ARID1A: variants seen among roughly 807,000 people sequenced by gnomAD.
ARID1A encodes the protein AT-rich interaction domain 1A.
Under a neutral mutation model 212.6 loss-of-function variants are expected in ARID1A, and 20 were observed. The observed-to-expected ratio is 0.09, with a 90% confidence interval of 0.07 to 0.14. The LOEUF (loss-of-function observed/expected upper bound fraction) is 0.14. Ranked by LOEUF, ARID1A falls within the 10% of genes least tolerant of loss-of-function variation. The pLI is 1.00. For synonymous variants in ARID1A, 1,376 were observed against 1,222.1 expected (o/e 1.13, Z -2.63); for missense variants, 2,587 against 3,059.0 (o/e 0.85, Z 3.64).
In ARID1A at chr1:26,780,769, A is replaced by T. The variant is rs763359043; in HGVS notation, c.*13A>T. On this transcript the variant is annotated 3_prime_UTR_variant, in exon 20 of 20. Transcript: ENST00000324856. The surrounding 1 kb of genome is among the most constrained non-coding windows in gnomAD (Gnocchi z 7.2). ...TGGCCAGTCATGACAGCCGTGGGAC[A>T]CCTCCCCCCCCCGTGTGTGTGTGCG... 1 of 1,537,060 alleles carries T rather than the reference A, an allele frequency of 6.5e-7. No homozygotes were observed. Among genetic ancestry groups the T allele is most frequent in the Non-Finnish European group, 8.8e-7 (1 of 1,141,598 alleles).
intron 8 of ARID1A, among the ~76,000 whole-genome samples, chr1:26,764,086 C>T (rs1016781698): frequency 4.6e-5 from 7 of 152,150 alleles, no homozygotes; most frequent in African/African-American, 7.2e-5. Context: ...TGTCCTGCCT[C>T]AGCCTCCCAA....
At chr1:26,760,807 A>C (rs1254848487) in intron 4 of ARID1A, 49 bp from the exon 5 acceptor site, 2 of 1,550,170 alleles carry the variant, frequency 1.3e-6, no homozygotes, top group Non-Finnish European at 1.8e-6. Flanking sequence ...TGAAAGTAGA[A>C]TCTTTCTGCC....
At chr1:26,742,465 T>A (rs2124803152) in intron 4 of ARID1A, among the ~76,000 whole-genome samples, 1 of 152,332 alleles carries the variant, frequency 6.6e-6, no homozygotes, top group South Asian at 2.1e-4. Context: ...TGGTCAGTGC[T>A]AACTTTAATC....
intron 1 of ARID1A, among the ~76,000 whole-genome samples, chr1:26,712,360 G>A (rs2080462706): frequency 6.6e-6 from 1 of 152,106 alleles, no homozygotes; most frequent in South Asian, 2.1e-4. Context: ...TCCTTTCCTT[G>A]TGTCTCTTCT....
At chr1:26,778,912 C>T (rs1020003450) in intron 19 of ARID1A, 111 bp from the exon 20 acceptor site, 2 of 1,083,130 alleles carry the variant, frequency 1.8e-6, no homozygotes, top group Non-Finnish European at 2.6e-6. Flanking sequence ...AAAGGAGCAA[C>T]TCTGCCTCTC....
chr1:26,718,254 C>T (rs998889783), intron 1 of ARID1A, among the ~76,000 whole-genome samples: 5 of 152,218 alleles, frequency 3.3e-5, no homozygotes, highest in South Asian at 2.1e-4. Context: ...GGATTACAGG[C>T]GTGAGCCACC....
At position 26,761,051 on chromosome 1, in the gene ARID1A, G is replaced by A. The variant is rs2124056531; in HGVS notation, c.2116G>A (p.Val706Ile). ...GTCCCCTGTTGGCTCTCCCGCCAGT[G>A]TTGCTCAGTCTCGCTCAGGACCACT... is the stretch of plus-strand genomic sequence containing the variant. The part of the protein sequence containing the change: ...SPSPVGSPAS[V>I]AQSRSGPLSP... Residue 706 changes from valine to isoleucine, a missense_variant, in exon 5 of 20, where the codon GTT (valine) becomes ATT (isoleucine). Around this residue, in one of 11 missense-constraint regions of ARID1A, gnomAD observed 674 missense variants for 813.4 expected, o/e 0.83. Coordinates refer to ENST00000324856, the MANE Select transcript of ARID1A (RefSeq NM_006015.6). 1 of 1,614,090 alleles carries A rather than the reference G, an allele frequency of 6.2e-7. No individual in the cohort carries two copies. Among genetic ancestry groups the A allele is most frequent in the Non-Finnish European group, 8.5e-7 (1 of 1,180,018 alleles).
rs771291302 is a variant in ARID1A at position 26,779,593 on chromosome 1, C to A, written c.5695C>A (p.Pro1899Thr). The change falls in exon 20 of 20, where the codon CCT becomes ACT. Residue 1899 changes from proline (P) to threonine (T), a missense_variant. This residue lies in a region of ARID1A where 890 missense variants were observed against 1,098.2 expected (regional missense o/e 0.81). Transcript: ENST00000324856. ...PGTTDQEGPP[P>T]DGPPEKRITA... is the part of the protein sequence containing the mutation. ...GACAACAGACCAGGAGGGGCCCCCACCTGATGGACCTCCAGAAAAACGGAT... is the reference window on the plus strand; with the variant it reads ...GACAACAGACCAGGAGGGGCCCCCAACTGATGGACCTCCAGAAAAACGGAT... 6.2e-7 allele frequency: 1 copy of A among 1,613,990 alleles called. No individual in the cohort carries two copies. The highest frequency in any genetic ancestry group is 8.5e-7 in the Non-Finnish European group (1 of 1,180,032).
intron 4 of ARID1A, among the ~76,000 whole-genome samples, chr1:26,742,492 C>T (rs1043943767): frequency 3.3e-5 from 5 of 152,142 alleles, no homozygotes; most frequent in African/African-American, 1.2e-4. Flanking sequence ...ATCCTTGCTA[C>T]TCAGTGTGGT....
intron 6 of ARID1A, 53 bp downstream of exon 6, chr1:26,761,526 G>A (rs2124060525): frequency 1.3e-6 from 2 of 1,556,710 alleles, no homozygotes; most frequent in Non-Finnish European, 1.8e-6. Context: ...ACATTTGAGT[G>A]CCCTATGCAG....
intron 4 of ARID1A, among the ~76,000 whole-genome samples, chr1:26,743,885 A>G (rs1477464734): frequency 6.6e-6 from 1 of 152,130 alleles, no homozygotes; most frequent in Non-Finnish European, 1.5e-5. Flanking sequence ...GAGGGCCCAC[A>G]GTCCTTATCT....
chr1:26,777,280 G>A (rs546834667), intron 19 of ARID1A, among the ~76,000 whole-genome samples: 1 of 152,104 alleles, frequency 6.6e-6, no homozygotes, highest in East Asian at 1.9e-4. Context: ...GAGTGCAGTG[G>A]TGCAATCACA....
At chr1:26,778,338 TA>T (rs1447260024) in intron 19 of ARID1A, 3 of 152,140 alleles carry the variant, frequency 2.0e-5, no homozygotes, top group Non-Finnish European at 4.4e-5. Context: ...CGAAAGCCCT[TA>T]TTTTTTTTTC....
intron 19 of ARID1A, chr1:26,778,556 G>A (rs1347413297): frequency 6.5e-6 from 1 of 153,262 alleles, no homozygotes; most frequent in Non-Finnish European, 1.5e-5. Flanking sequence ...TGGGGAGCTT[G>A]GAGAAGAGAG....
intron 2 of ARID1A, among the ~76,000 whole-genome samples, chr1:26,730,749 AC>A (rs1450021640): frequency 1.3e-5 from 2 of 152,150 alleles, no homozygotes; most frequent in African/African-American, 4.8e-5. Context: ...GAATTACTAA[AC>A]CTTAGGTTTT....
intron 1 of ARID1A, among the ~76,000 whole-genome samples, chr1:26,702,596 C>T (rs1303633733): frequency 1.3e-5 from 2 of 152,144 alleles, no homozygotes; most frequent in African/African-American, 4.8e-5. Context: ...GAATGTTTGA[C>T]AGGCAAATTA....
At chr1:26,704,501 G>A (rs1360647154) in intron 1 of ARID1A, among the ~76,000 whole-genome samples, 4 of 152,144 alleles carry the variant, frequency 2.6e-5, no homozygotes, top group African/African-American at 9.7e-5. Flanking sequence ...TTATATTGAG[G>A]TTGATGGGTT....
At position 26,697,089 on chromosome 1, in the gene ARID1A, A is replaced by C. The variant is rs1234556947; in HGVS notation, c.686A>C (p.Tyr229Ser). Residue 229 changes from tyrosine (Y) to serine (S), a missense_variant, in exon 1 of 20, where the codon TAC becomes TCC. Around this residue, in one of 11 missense-constraint regions of ARID1A, gnomAD observed 735 missense variants for 590.6 expected, o/e 1.24. Coordinates refer to ENST00000324856, the MANE Select transcript of ARID1A (RefSeq NM_006015.6). Reference sequence around the variant, plus strand: ...GCCTACCCCCCGCCCGCCCCGGCCTACGCGCTGAGCTCCCCGAGAGGTGGC... The same window carrying C: ...GCCTACCCCCCGCCCGCCCCGGCCTCCGCGCTGAGCTCCCCGAGAGGTGGC... ...RSAYPPPAPA[Y>S]ALSSPRGGTP... The C allele has an allele frequency of 6.7e-7, 1 of 1,483,670 alleles. No individual in the cohort carries two copies. The highest frequency in any genetic ancestry group is 8.9e-7 in the Non-Finnish European group (1 of 1,121,490). The allele number at this position is 1,483,670 out of a possible 1,614,324, so 91.9% of individuals were successfully genotyped here.
intron 4 of ARID1A, among the ~76,000 whole-genome samples, chr1:26,734,599 G>A (rs1453640996): frequency 6.6e-6 from 1 of 152,204 alleles, no homozygotes. Flanking sequence ...TGGGAGGTAA[G>A]CTGGCTGGGT....
Sources: gnomAD v4.1 joint callset for allele counts (sites outside exome capture counted in the v4.1 genomes callset) on GRCh38, gnomAD v4.1.1 for gene constraint, gnomAD v4.1.1 regional missense constraint, Gnocchi (gnomAD v3.1) non-coding constraint, MANE v1.5 for transcripts, NCBI Gene and HGNC (gene_info 2026-07-23, HGNC 2026-07-21) for gene names.